Variants in ICA1 observed in about 807,000 individuals in gnomAD.
The protein encoded by ICA1 is 69 kDa islet cell autoantigen.
ICA1 carries 40 observed loss-of-function variants against 71.0 expected under a neutral mutation model. The ratio of observed to expected loss-of-function variants is 0.56; its 90% confidence interval spans 0.44 to 0.73. The LOEUF is 0.73. ICA1 is among the 30% of genes least tolerant of loss of function. The pLI, the probability that ICA1 is intolerant of heterozygous loss-of-function variation, is 0.00. For synonymous variants in ICA1, 207 were observed against 209.5 expected, an observed-to-expected ratio of 0.99 and a Z score of 0.10; for missense variants, 578 against 576.5, an observed-to-expected ratio of 1.00 and a Z score of -0.03.
At chr7:8,128,247 T>G in intron 12 of ICA1, 105 bp from the exon 13 acceptor site, 1 of 1,136,006 alleles carries the variant, frequency 8.8e-7, no homozygotes, top group Non-Finnish European at 1.3e-6. Flanking sequence ...TGGCTAGATT[T>G]AAGAAAAATG....
intron 6 of ICA1, among the ~76,000 whole-genome samples, chr7:8,189,195 T>C (rs1263589231): frequency 6.6e-6 from 1 of 152,188 alleles, no homozygotes; most frequent in Non-Finnish European, 1.5e-5. Flanking sequence ...TATTTGACTG[T>C]ATTCCCACCA....
chr7:8,182,124 CT>C (rs1018624761), intron 6 of ICA1, among the ~76,000 whole-genome samples: 1 of 152,090 alleles, frequency 6.6e-6, no homozygotes, highest in African/African-American at 2.4e-5. Flanking sequence ...CACTCTTACC[CT>C]TTTTTTTCCC....
At chr7:8,129,136 T>C (rs1040056336) in intron 12 of ICA1, among the ~76,000 whole-genome samples, 11 of 152,210 alleles carry the variant, frequency 7.2e-5, no homozygotes, top group African/African-American at 2.7e-4. Context: ...TTTCACTGGG[T>C]TTATTACTTA....
chr7:8,152,799 A>T (rs1299472835), intron 8 of ICA1, among the ~76,000 whole-genome samples: 91 of 2,906 alleles, frequency 0.031, no homozygotes, highest in East Asian at 0.1. Flanking sequence ...CATCACCTCC[A>T]CCACCACCAC....
At chr7:8,229,908 A>G (rs1799739380) in intron 3 of ICA1, among the ~76,000 whole-genome samples, 1 of 152,242 alleles carries the variant, frequency 6.6e-6, no homozygotes, top group Non-Finnish European at 1.5e-5. Context: ...AACACATAGT[A>G]TTTCCTGAAT....
chr7:8,169,054 C>G (rs1258119863), intron 6 of ICA1, among the ~76,000 whole-genome samples: 4 of 152,120 alleles, frequency 2.6e-5, no homozygotes, highest in African/African-American at 9.7e-5. Flanking sequence ...AATCTGACTT[C>G]TGTCACTATA....
chr7:8,183,106 T>C (rs1313603668), intron 6 of ICA1, among the ~76,000 whole-genome samples: 1 of 152,204 alleles, frequency 6.6e-6, no homozygotes, highest in African/African-American at 2.4e-5. Flanking sequence ...AAGTTACAAC[T>C]AAATAGACCG....
In ICA1 at chr7:8,113,791, G is replaced by A. The variant is rs1420424586; in HGVS notation, c.*132C>T. On this transcript the variant is annotated 3_prime_UTR_variant, in exon 14 of 14. Transcript: ENST00000402384. This position sits in a 1 kb window ranked among gnomAD's most constrained non-coding sequence, Gnocchi z 4.2. ...AAATAATTATACCAATATAAACAGG[G>A]CCGTTGACCCTTTCATTTTATTAAA... 5.5e-6 allele frequency: 5 copies of A among 905,866 alleles called. No homozygotes were observed. The highest frequency in any genetic ancestry group is 6.9e-6 in the Non-Finnish European group (4 of 575,788). 56.1% of individuals were successfully genotyped at this position (905,866 alleles called of 1,614,324 possible).
rs1430772772 is a variant in ICA1 at position 8,223,102 on chromosome 7, A to G, written c.257-1704T>C. 6.6e-6 allele frequency among the ~76,000 whole-genome samples: 1 copy of G among 152,170 alleles called. No individual in the cohort carries two copies. The highest frequency in any genetic ancestry group is 1.9e-4 in the East Asian group (1 of 5,202). ...GCTTTTTAAAATTCCTATAATTATA[A>G]GAAGGTTTTTTGTTTTTTAATACAT... is the stretch of plus-strand genomic sequence containing the variant. On this transcript the variant is annotated intron_variant, in intron 4 of 13. Transcript: ENST00000402384. This position sits in a 1 kb window ranked among gnomAD's most constrained non-coding sequence, Gnocchi z 4.1.
At chr7:8,242,295 C>G (rs1804228795) in intron 1 of ICA1, among the ~76,000 whole-genome samples, 1 of 152,186 alleles carries the variant, frequency 6.6e-6, no homozygotes, top group African/African-American at 2.4e-5. Flanking sequence ...GCAAACTGAA[C>G]TATCTGCTCC....
intron 6 of ICA1, among the ~76,000 whole-genome samples, chr7:8,207,048 C>A (rs1791848820): frequency 6.6e-6 from 1 of 152,162 alleles, no homozygotes; most frequent in Admixed American, 6.5e-5. Flanking sequence ...CCTCATCCCT[C>A]AATTTGTTTA....
chr7:8,213,873 A>G (rs1253311421), intron 6 of ICA1, among the ~76,000 whole-genome samples: 2 of 145,338 alleles, frequency 1.4e-5, no homozygotes, highest in African/African-American at 5.2e-5. Context: ...TGATTAGTGC[A>G]TGAACAGTCT....
At position 8,139,019 on chromosome 7, in the gene ICA1, G is replaced by A. The variant is rs1417214772; in HGVS notation, c.984C>T (p.Ala328=). The change falls in exon 11 of 14, where the codon GCC becomes GCT. Residue 328 remains alanine (A), a synonymous_variant. Coordinates refer to ENST00000402384, the MANE Select transcript of ICA1 (RefSeq NM_001136020.3). The part of the protein sequence containing the change: ...KTEDGKSILS[A]LDKGSTHTAC... Reference sequence around the variant, plus strand: ...CAGTATGTGTAGAGCCTTTGTCTAAGGCAGATAAAATACTTTTTCCATCTT... The same window carrying A: ...CAGTATGTGTAGAGCCTTTGTCTAAAGCAGATAAAATACTTTTTCCATCTT... The A allele has an allele frequency of 1.9e-6, 3 of 1,613,226 alleles. No homozygotes were observed. Among genetic ancestry groups the A allele is most frequent in the Non-Finnish European group, 2.5e-6 (3 of 1,179,464 alleles).
intron 13 of ICA1, among the ~76,000 whole-genome samples, chr7:8,119,763 T>C (rs1390547756): frequency 6.6e-6 from 1 of 152,178 alleles, no homozygotes; most frequent in Non-Finnish European, 1.5e-5. Context: ...GGAGATTCGC[T>C]TGAACCCGGG....
rs1373401838 is a variant in ICA1 at position 8,130,051 on chromosome 7, T to C, written c.1061-1909A>G. ...ACATGAACTCATCCTTTTTTATGGC[T>C]GCATAGTATTCCATGGTGTATATGT... On this transcript the variant is annotated intron_variant, in intron 12 of 13. Coordinates refer to ENST00000402384, the MANE Select transcript of ICA1 (RefSeq NM_001136020.3). The surrounding 1 kb of genome is among the most constrained non-coding windows in gnomAD (Gnocchi z 4.2). Among the ~76,000 whole-genome samples, 30 of 152,156 alleles carry C rather than the reference T, an allele frequency of 2.0e-4. No homozygotes were observed. Among genetic ancestry groups the C allele is most frequent in the Admixed American group, 2.0e-3 (30 of 15,284 alleles).
At chr7:8,233,956 C>T (rs879524605) in intron 2 of ICA1, among the ~76,000 whole-genome samples, 1 of 152,148 alleles carries the variant, frequency 6.6e-6, no homozygotes, top group Non-Finnish European at 1.5e-5. Context: ...GGCATGGTGG[C>T]TCATGCCTTT....
intron 13 of ICA1, among the ~76,000 whole-genome samples, chr7:8,127,441 A>G (rs570453422): frequency 6.6e-6 from 1 of 152,268 alleles, no homozygotes; most frequent in African/African-American, 2.4e-5. Context: ...AGGGAGCAGA[A>G]ATGCAAGATA....
In ICA1 at chr7:8,128,060, A is replaced by G. The variant is rs111353851; in HGVS notation, c.1143T>C (p.Asn381=). 4.0e-4 allele frequency: 647 copies of G among 1,614,220 alleles called. 3 individuals carry two copies. The African/African-American group carries it at 7.3e-3, about 18-fold the overall frequency. The part of the protein sequence containing the change: ...DDLLLLSEIF[N]ASSLEEGEFS... ...ACTCGCCCTCTTCCAAGGAGGAAGCATTGAAGATCTCACTCAACAGCAGCA... is the reference window on the plus strand; with the variant it reads ...ACTCGCCCTCTTCCAAGGAGGAAGCGTTGAAGATCTCACTCAACAGCAGCA... Residue 381 remains asparagine (N), a synonymous_variant, in exon 13 of 14, where the codon AAT becomes AAC. Transcript: ENST00000402384.
intron 8 of ICA1, 70 bp downstream of exon 8, chr7:8,157,046 A>C: frequency 6.2e-7 from 1 of 1,612,982 alleles, no homozygotes; most frequent in Non-Finnish European, 8.5e-7. Context: ...TCTGCAATGG[A>C]CTTTGCTTGT....
Sources: gnomAD v4.1 joint callset for allele counts (sites outside exome capture counted in the v4.1 genomes callset) on GRCh38, gnomAD v4.1.1 for gene constraint, Gnocchi (gnomAD v3.1) non-coding constraint, MANE v1.5 for transcripts, NCBI Gene and HGNC (gene_info 2026-07-23, HGNC 2026-07-21) for gene names.